The following ATP5F1C variants were observed in gnomAD, a reference collection of about 807,000 sequenced individuals.
The protein encoded by ATP5F1C is ATP synthase F(1) complex subunit gamma, mitochondrial.
Under a neutral mutation model 37.4 loss-of-function variants are expected in ATP5F1C, and 22 were observed. That is an observed-to-expected ratio of 0.59 (90% confidence interval 0.42 to 0.84). The LOEUF (loss-of-function observed/expected upper bound fraction) is 0.84, where lower values mean the gene tolerates loss of function less well. Ranked by LOEUF, ATP5F1C falls within the 40% of genes least tolerant of loss-of-function variation. The probability of loss-of-function intolerance (pLI) is 0.00; values close to 1 mark genes in which losing one functional copy is unlikely to be tolerated. For missense variants in ATP5F1C, 286 were observed against 362.4 expected (o/e 0.79, Z 1.71); for synonymous variants, 121 against 128.0 (o/e 0.95, Z 0.37).
intron 9 of ATP5F1C, 86 bp downstream of exon 9, chr10:7,807,096 G>C: frequency 7.6e-7 from 1 of 1,310,812 alleles, no homozygotes. Context: ...TCCTAGAATT[G>C]TCCTCTGAGA....
Position 7,799,794 on chromosome 10 carries a change from G to T in ATP5F1C, c.451G>T (p.Val151Leu), listed in dbSNP as rs750215343. 8.1e-6 allele frequency: 13 copies of T among 1,614,106 alleles called. No individual in the cohort carries two copies. The highest frequency in any genetic ancestry group is 5.0e-5 in the Admixed American group (3 of 60,010). Residue 151 changes from valine to leucine, a missense_variant, in exon 5 of 10, where the codon GTG (valine) becomes TTG (leucine). Val to Leu is a conservative substitution (Grantham distance 32, BLOSUM62 1). Coordinates refer to ENST00000356708, the MANE Select transcript of ATP5F1C (RefSeq NM_001001973.3). ...TAGGACTCATTCTGACCAGTTTCTG[G>T]TGGCATTCAAAGAAGTGGGAAGAAA... ...LYRTHSDQFLVAFKEVGRKPP... is the reference protein window; with the variant it reads ...LYRTHSDQFLLAFKEVGRKPP...
At chr10:7,804,225 A>G (rs2131076966) in intron 8 of ATP5F1C, 2 of 518,696 alleles carry the variant, frequency 3.9e-6, no homozygotes, top group Admixed American at 3.9e-5. Flanking sequence ...CACCGAAAAA[A>G]TTTGCCTATT....
chr10:7,807,014 A>G lies in ATP5F1C; in HGVS notation c.*30+4A>G. 1.9e-6 allele frequency: 3 copies of G among 1,608,458 alleles called. No homozygotes were observed. Among genetic ancestry groups the G allele is most frequent in the Non-Finnish European group, 2.6e-6 (3 of 1,175,424 alleles). On this transcript the variant is annotated splice_donor_region_variant and intron_variant, in intron 9 of 9. Transcript: ENST00000356708. ...AAGTTCCATCCTCAGACAAGAGGTAAAGTTCACACATTCTTCCCATGTCTG... is the reference window on the plus strand; with the variant it reads ...AAGTTCCATCCTCAGACAAGAGGTAGAGTTCACACATTCTTCCCATGTCTG...
At chr10:7,797,247 C>T in intron 3 of ATP5F1C, 69 bp downstream of exon 3, 1 of 1,571,832 alleles carries the variant, frequency 6.4e-7, no homozygotes, top group Non-Finnish European at 8.7e-7. Context: ...TGATGACTTA[C>T]ATTTAGAGCT....
intron 8 of ATP5F1C, among the ~76,000 whole-genome samples, chr10:7,806,528 G>A (rs1225905339): frequency 6.6e-6 from 1 of 151,912 alleles, no homozygotes; most frequent in Non-Finnish European, 1.5e-5. Flanking sequence ...GTGGTGGCGG[G>A]CACCTGTAAT....
Position 7,799,030 on chromosome 10 carries a change from G to A in ATP5F1C, c.264G>A (p.Lys88=). ...CTGATATCAAGGGGCCTGAAGACAAGAAGAAACACCTCCTTATTGGTGTGT... is the reference window on the plus strand; with the variant it reads ...CTGATATCAAGGGGCCTGAAGACAAAAAGAAACACCTCCTTATTGGTGTGT... ...EKADIKGPED[K]KKHLLIGVSS... Residue 88 remains lysine (K), a synonymous_variant, in exon 4 of 10, where the codon AAG becomes AAA. Transcript: ENST00000356708. 6.2e-7 allele frequency: 1 copy of A among 1,612,450 alleles called. No homozygotes were observed. The highest frequency in any genetic ancestry group is 1.3e-5 in the African/African-American group (1 of 75,010).
At chr10:7,796,806 G>A (rs1383528643) in intron 2 of ATP5F1C, 14 of 291,350 alleles carry the variant, frequency 4.8e-5, no homozygotes, top group South Asian at 4.4e-4. Context: ...AGATGGTCTT[G>A]ATCTCCTGAC....
At chr10:7,803,308 T>A (rs1473980389) in intron 8 of ATP5F1C, among the ~76,000 whole-genome samples, 1 of 152,150 alleles carries the variant, frequency 6.6e-6, no homozygotes, top group Admixed American at 6.5e-5. Context: ...TAGCCATCCC[T>A]CAGTATCTGC....
intron 6 of ATP5F1C, 25 bp from the exon 7 acceptor site, chr10:7,802,245 A>G: frequency 6.3e-7 from 1 of 1,582,016 alleles, no homozygotes; most frequent in South Asian, 1.2e-5. Flanking sequence ...ATAACTTGAA[A>G]GAAACTCATC....
intron 2 of ATP5F1C, 52 bp from the exon 3 acceptor site, chr10:7,796,995 A>G (rs1836251444): frequency 1.3e-6 from 2 of 1,569,372 alleles, no homozygotes; most frequent in Admixed American, 1.9e-5. Context: ...TAAATTCACA[A>G]GGAAGTTATA....
At chr10:7,794,513 T>TG (rs1491183098) in intron 1 of ATP5F1C, among the ~76,000 whole-genome samples, 1 of 143,528 alleles carries the variant, frequency 7.0e-6, no homozygotes, top group Non-Finnish European at 1.5e-5. Context: ...TTTTTTTTTT[T>TG]TAGCAGGTTG....
At chr10:7,789,841 A>G (rs1456221670) in intron 1 of ATP5F1C, among the ~76,000 whole-genome samples, 1 of 152,236 alleles carries the variant, frequency 6.6e-6, no homozygotes, top group Non-Finnish European at 1.5e-5. Context: ...AAGCACCTGT[A>G]AGATAATTTG....
chr10:7,806,842 C>A, intron 8 of ATP5F1C, 132 bp from the exon 9 acceptor site: 1 of 650,486 alleles, frequency 1.5e-6, no homozygotes, highest in South Asian at 2.0e-5. Context: ...AGTATTTTTG[C>A]ATGATGTACT....
At position 7,800,097 on chromosome 10, in the gene ATP5F1C, T is replaced by C. The variant is rs191851203; in HGVS notation, c.637+6T>C. ...TAATACCGTTGCAAGTGCTGGTAAG[T>C]AGTTTTTCTATGATACATATTTTTT... On this transcript the variant is annotated splice_donor_region_variant and intron_variant, in intron 6 of 9. Coordinates refer to ENST00000356708, the MANE Select transcript of ATP5F1C (RefSeq NM_001001973.3). 3,172 of 1,613,130 alleles carry C rather than the reference T, an allele frequency of 2.0e-3. 4 individuals are homozygous for C. The highest frequency in any genetic ancestry group is 2.2e-3 in the Non-Finnish European group (2,644 of 1,179,388).
At chr10:7,791,254 C>T (rs1043369870) in intron 1 of ATP5F1C, among the ~76,000 whole-genome samples, 14 of 151,630 alleles carry the variant, frequency 9.2e-5, no homozygotes, top group African/African-American at 3.4e-4. Flanking sequence ...GAGCTGAGAT[C>T]GTGCCACTGC....
chr10:7,802,886 A>AT, intron 8 of ATP5F1C, 32 bp downstream of exon 8: 17 of 1,588,230 alleles, frequency 1.1e-5, no homozygotes, highest in South Asian at 4.6e-5. Flanking sequence ...CCTTCAGAGA[A>AT]TTTTTTTTCC....
At chr10:7,800,415 T>G (rs1335278649) in intron 6 of ATP5F1C, among the ~76,000 whole-genome samples, 2 of 151,894 alleles carry the variant, frequency 1.3e-5, no homozygotes, top group Admixed American at 6.6e-5. Context: ...CAGGATGGTC[T>G]CAATCTCCTG....
intron 3 of ATP5F1C, among the ~76,000 whole-genome samples, chr10:7,798,245 GT>G (rs34715703): frequency 4.0e-5 from 6 of 149,950 alleles, no homozygotes; most frequent in Non-Finnish European, 7.4e-5. Context: ...TTCTTTTTGT[GT>G]TTTTTTTTGA....
intron 1 of ATP5F1C, among the ~76,000 whole-genome samples, chr10:7,795,701 T>C (rs1836226571): frequency 6.6e-6 from 1 of 152,232 alleles, no homozygotes; most frequent in East Asian, 1.9e-4. Context: ...TTCGACTATA[T>C]CATTGACTCT....
Sources: gnomAD v4.1 joint callset for allele counts (sites outside exome capture counted in the v4.1 genomes callset) on GRCh38, gnomAD v4.1.1 for gene constraint, MANE v1.5 for transcripts, NCBI Gene and HGNC (gene_info 2026-07-23, HGNC 2026-07-21) for gene names.